Variants in GJA3 observed in about 807,000 individuals in gnomAD.
GJA3 encodes the protein gap junction protein alpha 3.
For synonymous variants in GJA3, 297 were observed against 292.6 expected (o/e 1.02, Z -0.15); for missense variants, 571 against 620.3 (o/e 0.92, Z 0.84).
At chr13:20,151,329 C>G (rs955614263) in intron 1 of GJA3, among the ~76,000 whole-genome samples, 8 of 152,138 alleles carry the variant, frequency 5.3e-5, no homozygotes, top group African/African-American at 1.7e-4. Context: ...CTCCTGCCCC[C>G]CAACCCCACA....
At chr13:20,158,912 C>CAAAAAAAAAAAAAAAAACAAA (rs1958920670) in intron 1 of GJA3, among the ~76,000 whole-genome samples, 1 of 54,980 alleles carries the variant, frequency 1.8e-5, no homozygotes, top group Non-Finnish European at 3.1e-5. Context: ...GCAAAACTCT[C>CAAAAAAAAAAAAAAAAACAAA]AAAAAAAAAA....
At chr13:20,146,322 C>T (rs1958842495) in intron 1 of GJA3, among the ~76,000 whole-genome samples, 1 of 152,180 alleles carries the variant, frequency 6.6e-6, no homozygotes, top group Non-Finnish European at 1.5e-5. Flanking sequence ...TTTGGGGTGA[C>T]CTCATGGGAA....
intron 1 of GJA3, among the ~76,000 whole-genome samples, chr13:20,149,776 A>G (rs939847018): frequency 1.3e-5 from 2 of 152,218 alleles, no homozygotes; most frequent in Non-Finnish European, 2.9e-5. Flanking sequence ...GGAAGCAGTG[A>G]TTTTAAAAGG....
chr13:20,147,786 T>C (rs1958851986), intron 1 of GJA3, among the ~76,000 whole-genome samples: 1 of 152,238 alleles, frequency 6.6e-6, no homozygotes, highest in Non-Finnish European at 1.5e-5. Context: ...TTCTACTCTG[T>C]TCATTGCTTT....
In GJA3 at chr13:20,161,010, C is replaced by G. The variant is rs1193691515; in HGVS notation, c.-138G>C. The stretch of plus-strand genomic sequence containing the variant: ...CACGCGTGCGCCCCGCGCCAGGGCC[C>G]GACCTCCCCGCCCTGATCGCCATCC... On this transcript the variant is annotated 5_prime_UTR_variant, in exon 1 of 2. Coordinates refer to ENST00000241125, the MANE Select transcript of GJA3 (RefSeq NM_021954.4). The G allele has an allele frequency of 7.9e-5, 12 of 152,464 alleles. No homozygotes were observed. The highest frequency in any genetic ancestry group is 7.2e-4 in the Admixed American group (11 of 15,274). 9.4% of individuals were successfully genotyped at this position (152,464 alleles called of 1,614,324 possible).
At chr13:20,149,919 G>A (rs1958866767) in intron 1 of GJA3, among the ~76,000 whole-genome samples, 1 of 152,212 alleles carries the variant, frequency 6.6e-6, no homozygotes, top group Non-Finnish European at 1.5e-5. Context: ...CAGGCTGGAA[G>A]TGCTCTTCAC....
intron 1 of GJA3, among the ~76,000 whole-genome samples, chr13:20,154,277 T>A (rs1958895827): frequency 6.6e-6 from 1 of 152,202 alleles, no homozygotes; most frequent in Admixed American, 6.5e-5. Flanking sequence ...GCCCTGAGCC[T>A]TAGGATGCTG....
chr13:20,143,589 C>T (rs1958826184), intron 1 of GJA3, among the ~76,000 whole-genome samples: 1 of 152,252 alleles, frequency 6.6e-6, no homozygotes, highest in African/African-American at 2.4e-5. Context: ...AGCCCTCTCC[C>T]TGAGGCTGAC....
In GJA3 at chr13:20,142,932, G is replaced by C. The variant is rs755307980; in HGVS notation, c.357C>G (p.Ser119Arg). The C allele has an allele frequency of 1.9e-6, 3 of 1,577,520 alleles. No individual in the cohort carries two copies. Among genetic ancestry groups the C allele is most frequent in the South Asian group, 1.1e-5 (1 of 87,252 alleles). Residue 119 changes from serine (S) to arginine (R), a missense_variant, in exon 2 of 2, where the codon AGC (serine) becomes AGG (arginine). Ser to Arg is a moderately radical substitution (Grantham distance 110). Transcript: ENST00000241125. Reference sequence around the variant, plus strand: ...CCTGCGGTGGCTCCTTGGGGCTGGGGCTCTCTCTCTTCAGCTGCTCCTCCT... The same window carrying C: ...CCTGCGGTGGCTCCTTGGGGCTGGGCCTCTCTCTCTTCAGCTGCTCCTCCT... Reference protein sequence around the residue: ...REEEEQLKRESPSPKEPPQDN... With the variant: ...REEEEQLKRERPSPKEPPQDN...
chr13:20,151,285 T>A (rs1213732881), intron 1 of GJA3, among the ~76,000 whole-genome samples: 1 of 152,000 alleles, frequency 6.6e-6, no homozygotes, highest in Non-Finnish European at 1.5e-5. Flanking sequence ...GGAAGCTTGA[T>A]AGCAAGGACT....
chr13:20,150,090 A>C (rs973861839), intron 1 of GJA3, among the ~76,000 whole-genome samples: 2 of 152,300 alleles, frequency 1.3e-5, no homozygotes, highest in East Asian at 3.9e-4. Flanking sequence ...AGAGTCAGGG[A>C]ATAAAAAAGC....
chr13:20,158,912 C>CAAAAAAAAAAAAAAAAAAAAAAAA (rs1159654355), intron 1 of GJA3, among the ~76,000 whole-genome samples: 35 of 54,942 alleles, frequency 6.4e-4, no homozygotes, highest in Admixed American at 2.1e-3. Context: ...GCAAAACTCT[C>CAAAAAAAAAAAAAAAAAAAAAAAA]AAAAAAAAAA....
intron 1 of GJA3, among the ~76,000 whole-genome samples, chr13:20,144,409 G>A (rs553519117): frequency 2.0e-5 from 3 of 152,292 alleles, no homozygotes; most frequent in African/African-American, 7.2e-5. Context: ...ACTCAGTCAG[G>A]GTGCAAGTGA....
chr13:20,156,878 G>A (rs574120589), intron 1 of GJA3, among the ~76,000 whole-genome samples: 6 of 152,214 alleles, frequency 3.9e-5, no homozygotes, highest in South Asian at 2.1e-4. Flanking sequence ...GAGTTGCAGC[G>A]TAATTAGAAA....
At chr13:20,155,100 C>A (rs4238148) in intron 1 of GJA3, among the ~76,000 whole-genome samples, 40,939 of 152,120 alleles carry the variant, frequency 0.27, 6,947 homozygotes, top group Non-Finnish European at 0.37. Context: ...CTCAAGCCAT[C>A]CTCCTGCCTC....
chr13:20,152,625 T>C (rs1442789280), intron 1 of GJA3, among the ~76,000 whole-genome samples: 3 of 152,288 alleles, frequency 2.0e-5, no homozygotes, highest in Non-Finnish European at 2.9e-5. Flanking sequence ...CTCAGGTGAT[T>C]TGCCTGCCTT....
At chr13:20,149,967 GGAGT>G (rs1820777658) in intron 1 of GJA3, among the ~76,000 whole-genome samples, 1 of 152,222 alleles carries the variant, frequency 6.6e-6, no homozygotes, top group Non-Finnish European at 1.5e-5. Flanking sequence ...TGGTAATCTC[GGAGT>G]GAGTGTCCAA....
chr13:20,141,852 C>G lies in GJA3; in HGVS notation c.*129G>C. The G allele has an allele frequency of 7.3e-7, 1 of 1,366,322 alleles. No homozygotes were observed. Among genetic ancestry groups the G allele is most frequent in the South Asian group, 1.4e-5 (1 of 71,022 alleles). 84.6% of individuals were successfully genotyped at this position (1,366,322 alleles called of 1,614,324 possible). ...ACCTGATCTCTCCTCCATCGTCCAC[C>G]TCCTGGGACTCCAGTCGCTCCCACC... On this transcript the variant is annotated 3_prime_UTR_variant, in exon 2 of 2. Transcript: ENST00000241125.
chr13:20,159,338 C>T (rs886988009), intron 1 of GJA3, among the ~76,000 whole-genome samples: 1 of 151,008 alleles, frequency 6.6e-6, no homozygotes, highest in Non-Finnish European at 1.5e-5. Flanking sequence ...TACCATCCAG[C>T]GGAGGGAGGA....
Sources: gnomAD v4.1 joint callset for allele counts (sites outside exome capture counted in the v4.1 genomes callset) on GRCh38, gnomAD v4.1.1 for gene constraint, MANE v1.5 for transcripts, NCBI Gene and HGNC (gene_info 2026-07-23, HGNC 2026-07-21) for gene names.